ASCC3: variants seen among roughly 807,000 people sequenced by gnomAD.
ASCC3 encodes activating signal cointegrator 1 complex subunit 3.
Under a neutral mutation model 256.3 loss-of-function variants are expected in ASCC3, and 158 were observed. That is an observed-to-expected ratio of 0.62 (90% CI 0.54 to 0.70). The LOEUF (loss-of-function observed/expected upper bound fraction) is 0.70. ASCC3 is among the 30% of genes least tolerant of loss of function. The pLI is 0.00. For synonymous variants in ASCC3, 948 were observed against 883.4 expected, an observed-to-expected ratio of 1.07 and a Z score of -1.30; for missense variants, 2,259 against 2,626.0, an observed-to-expected ratio of 0.86 and a Z score of 3.05.
At chr6:100,835,539 A>G (rs1221472440) in intron 4 of ASCC3, among the ~76,000 whole-genome samples, 2 of 152,122 alleles carry the variant, frequency 1.3e-5, no homozygotes, top group African/African-American at 4.8e-5. Context: ...TCCTTTATCC[A>G]TTGTGTCTTC....
chr6:100,632,568 A>G (rs976233386), intron 25 of ASCC3, among the ~76,000 whole-genome samples: 1 of 152,144 alleles, frequency 6.6e-6, no homozygotes, highest in Non-Finnish European at 1.5e-5. Context: ...GTTTCAAATT[A>G]TATTACAAAG....
chr6:100,836,643 T>C (rs2114474044), intron 4 of ASCC3, among the ~76,000 whole-genome samples: 1 of 152,282 alleles, frequency 6.6e-6, no homozygotes, highest in East Asian at 1.9e-4. Context: ...TTTGGATTGC[T>C]AGTACTTTGT....
At chr6:100,612,396 A>G (rs967395458) in intron 30 of ASCC3, among the ~76,000 whole-genome samples, 1 of 152,038 alleles carries the variant, frequency 6.6e-6, no homozygotes, top group African/African-American at 2.4e-5. Context: ...TTCTCAAAGC[A>G]TATCTGTTGT....
chr6:100,874,455 ACT>A (rs769962666), intron 1 of ASCC3, among the ~76,000 whole-genome samples: 7 of 95,830 alleles, frequency 7.3e-5, no homozygotes, highest in Non-Finnish European at 1.2e-4. Flanking sequence ...ACAGAGCAAG[ACT>A]CTGTCTCAAA....
chr6:100,828,102 A>AAC (rs1554239590), intron 4 of ASCC3, among the ~76,000 whole-genome samples: 11 of 151,188 alleles, frequency 7.3e-5, no homozygotes, highest in Non-Finnish European at 1.5e-4. Flanking sequence ...TAAAAAAAAA[A>AAC]AAAAAACGAA....
At chr6:100,589,327 A>G (rs1771866367) in intron 36 of ASCC3, among the ~76,000 whole-genome samples, 2 of 152,152 alleles carry the variant, frequency 1.3e-5, no homozygotes, top group African/African-American at 2.4e-5. Flanking sequence ...TAATTCAAAG[A>G]GGCTATTATA....
At chr6:100,687,505 G>A (rs1777637426) in intron 13 of ASCC3, among the ~76,000 whole-genome samples, 1 of 151,900 alleles carries the variant, frequency 6.6e-6, no homozygotes, top group Non-Finnish European at 1.5e-5. Context: ...GGGACTACAG[G>A]TGCGCACCAC....
At chr6:100,538,647 T>G (rs886483039) in intron 37 of ASCC3, among the ~76,000 whole-genome samples, 2 of 152,132 alleles carry the variant, frequency 1.3e-5, no homozygotes, top group African/African-American at 4.8e-5. Flanking sequence ...GGGTATATGT[T>G]CATATACAGA....
rs374432055 is a variant in ASCC3 at position 100,576,063 on chromosome 6, C to T, written c.5550+13571G>A. ...TAATTAGACTACTTACTCCATGCCACGTAATCCCTGTTGCCAAAACTGCTA... is the reference window on the plus strand; with the variant it reads ...TAATTAGACTACTTACTCCATGCCATGTAATCCCTGTTGCCAAAACTGCTA... On this transcript the variant is annotated intron_variant, in intron 36 of 41. Coordinates refer to ENST00000369162, the MANE Select transcript of ASCC3 (RefSeq NM_006828.4). 4.6e-5 allele frequency among the ~76,000 whole-genome samples: 7 copies of T among 152,006 alleles called. No homozygotes were observed. The East Asian group carries it at 7.7e-4, about 17-fold the overall frequency.
At chr6:100,673,621 G>A (rs1210771679) in intron 14 of ASCC3, among the ~76,000 whole-genome samples, 3 of 152,090 alleles carry the variant, frequency 2.0e-5, no homozygotes, top group Non-Finnish European at 4.4e-5. Context: ...TTTAAAAAGA[G>A]TCTCACTTAT....
chr6:100,671,374 A>G (rs1165734698), intron 14 of ASCC3, among the ~76,000 whole-genome samples: 2 of 152,036 alleles, frequency 1.3e-5, no homozygotes, highest in African/African-American at 4.8e-5. Flanking sequence ...AACTACAGAG[A>G]TATACTTTAT....
chr6:100,542,820 A>G (rs1469794714), intron 36 of ASCC3, among the ~76,000 whole-genome samples: 2 of 152,118 alleles, frequency 1.3e-5, no homozygotes, highest in East Asian at 3.9e-4. Context: ...GCTTAATGTT[A>G]AAGTCATTGT....
chr6:100,673,422 C>G (rs551257668), intron 14 of ASCC3, among the ~76,000 whole-genome samples: 1 of 152,076 alleles, frequency 6.6e-6, no homozygotes, highest in African/African-American at 2.4e-5. Context: ...AAACAACATT[C>G]TAATTAACAT....
intron 4 of ASCC3, among the ~76,000 whole-genome samples, chr6:100,808,233 A>C (rs13217436): frequency 0.31 from 47,442 of 151,584 alleles, 9,241 homozygotes; most frequent in Middle Eastern, 0.52. Context: ...TAACTCACTC[A>C]ATCAATTATT....
At chr6:100,613,696 T>C (rs760343021) in intron 30 of ASCC3, among the ~76,000 whole-genome samples, 2 of 152,166 alleles carry the variant, frequency 1.3e-5, no homozygotes, top group Non-Finnish European at 2.9e-5. Flanking sequence ...AGACACCTAG[T>C]AGTAAAATTG....
intron 36 of ASCC3, among the ~76,000 whole-genome samples, chr6:100,576,442 A>C (rs919828216): frequency 2.0e-5 from 3 of 152,012 alleles, no homozygotes; most frequent in Admixed American, 2.0e-4. Flanking sequence ...AATGCTTTAA[A>C]ATTTTTTTAC....
At chr6:100,712,333 G>A (rs1336846251) in intron 13 of ASCC3, among the ~76,000 whole-genome samples, 10 of 151,986 alleles carry the variant, frequency 6.6e-5, no homozygotes, top group Non-Finnish European at 1.2e-4. Flanking sequence ...GAGAAGACAA[G>A]TAACAGACTG....
Position 100,767,330 on chromosome 6 carries a change from A to G in ASCC3, c.1411T>C (p.Phe471Leu). The G allele has an allele frequency of 2.6e-6, 4 of 1,567,776 alleles. No homozygotes were observed. Among genetic ancestry groups the G allele is most frequent in the Non-Finnish European group, 2.6e-6 (3 of 1,163,122 alleles). ...CTATTGAGTCTCTTCATTCCTTTAAAAGCCAGCTGTCCGATCTAAAAAAAA... is the reference window on the plus strand; with the variant it reads ...CTATTGAGTCTCTTCATTCCTTTAAGAGCCAGCTGTCCGATCTAAAAAAAA... ...QDLDEIGQLA[F>L]KGMKRLNRIQ... The change falls in exon 9 of 42, where the codon TTT (phenylalanine) becomes CTT (leucine). Residue 471 changes from phenylalanine (F) to leucine (L), a missense_variant. Physicochemically the swap from Phe to Leu is conservative, Grantham distance 22. Transcript: ENST00000369162.
rs1008627452 is a variant in ASCC3 at position 100,544,175 on chromosome 6, T to A, written c.5551-3788A>T. On this transcript the variant is annotated intron_variant, in intron 36 of 41. Transcript: ENST00000369162. ...TTGTGGGATATCATTGGAACAGTACTTAGGAGGGATTTATAAAACTAAACA... is the reference window on the plus strand; with the variant it reads ...TTGTGGGATATCATTGGAACAGTACATAGGAGGGATTTATAAAACTAAACA... Among the ~76,000 whole-genome samples the A allele has an allele frequency of 3.3e-5, 5 of 152,074 alleles. No homozygotes were observed. The East Asian group carries it at 9.6e-4, about 29-fold the overall frequency.
Sources: allele counts gnomAD v4.1 joint callset (sites outside exome capture counted in the v4.1 genomes callset), GRCh38; gene constraint gnomAD v4.1.1; transcripts MANE v1.5; gene names NCBI Gene and HGNC (gene_info 2026-07-23, HGNC 2026-07-21).